Variants in DTNA observed in about 807,000 individuals in gnomAD.
The protein encoded by DTNA is dystrobrevin alpha.
DTNA carries 43 observed loss-of-function variants against 100.7 expected under a neutral mutation model. The ratio of observed to expected loss-of-function variants is 0.43; its 90% CI spans 0.33 to 0.55. The LOEUF is 0.55. DTNA is among the 20% of genes least tolerant of loss of function. DTNA has a pLI of 0.04. For missense variants in DTNA, 798 were observed against 953.9 expected (o/e 0.84, Z 2.15); for synonymous variants, 349 against 347.9 (o/e 1.00, Z -0.04).
chr18:34,830,138 G>A (rs546025326), intron 11 of DTNA, among the ~76,000 whole-genome samples: 2 of 152,176 alleles, frequency 1.3e-5, no homozygotes, highest in African/African-American at 2.4e-5. Context: ...AAAAGTTAAA[G>A]GTTCTATACT....
Position 34,573,302 on chromosome 18 carries a change from AT to A in DTNA, c.-2+79790del, listed in dbSNP as rs575280744. On this transcript the variant is annotated intron_variant, in intron 1 of 19. Transcript: ENST00000283365. ...CACAACTTTAGGGCCCTAAATAAAT[AT>A]TAGGAACAAAAATGCCTCTCAAAAC... Among the ~76,000 whole-genome samples the A allele has an allele frequency of 1.8e-3, 273 of 152,332 alleles. 2 individuals carry two copies. The highest frequency in any genetic ancestry group is 6.0e-3 in the African/African-American group (250 of 41,568).
At chr18:34,511,575 A>T (rs2041098405) in intron 1 of DTNA, among the ~76,000 whole-genome samples, 1 of 152,032 alleles carries the variant, frequency 6.6e-6, no homozygotes, top group African/African-American at 2.4e-5. Flanking sequence ...GAAGAAAGAA[A>T]TGTGCAAACT....
Position 34,686,870 on chromosome 18 carries a change from G to A in DTNA, c.-1-69106G>A, listed in dbSNP as rs530692377. On this transcript the variant is annotated intron_variant, in intron 1 of 19. Transcript: ENST00000283365. ...GGATTCAACTTCTTGGTTTAGTCTC[G>A]GGAGGGTGTATGTGTCCAAGAATTT... Among the ~76,000 whole-genome samples, 8 of 152,154 alleles carry A rather than the reference G, an allele frequency of 5.3e-5. No homozygotes were observed. The South Asian group carries it at 6.2e-4, about 12-fold the overall frequency.
chr18:34,806,453 T>C (rs1480001654), intron 5 of DTNA, 149 bp downstream of exon 5: 2 of 732,040 alleles, frequency 2.7e-6, no homozygotes, highest in Non-Finnish European at 4.8e-6. Flanking sequence ...GATGTTTGGA[T>C]TTTGTCATAG....
rs867913812 is a variant in DTNA at position 34,744,848 on chromosome 18, G to A, written c.-1-11128G>A. On this transcript the variant is annotated intron_variant, in intron 1 of 22. Transcript: ENST00000444659. The stretch of plus-strand genomic sequence containing the variant: ...AACCAGTACCCTCGGGAAAAACAGG[G>A]CAGTTCCTTTGAGTCTTTTTTCATA... Among the ~76,000 whole-genome samples, 24 of 152,232 alleles carry A rather than the reference G, an allele frequency of 1.6e-4. 1 individual carries two copies. The highest frequency in any genetic ancestry group is 5.8e-4 in the African/African-American group (24 of 41,552).
chr18:34,688,567 C>T (rs1203882420), intron 1 of DTNA, among the ~76,000 whole-genome samples: 1 of 152,064 alleles, frequency 6.6e-6, no homozygotes, highest in Non-Finnish European at 1.5e-5. Context: ...CTCTGGCTGC[C>T]CTTAACATTT....
intron 2 of DTNA, among the ~76,000 whole-genome samples, chr18:34,762,382 G>A (rs72955132): frequency 0.074 from 11,222 of 152,192 alleles, 474 homozygotes; most frequent in African/African-American, 0.087. Context: ...ACAACTAATG[G>A]GTCTATCAAC....
At chr18:34,855,465 C>T (rs1430150709) in intron 15 of DTNA, among the ~76,000 whole-genome samples, 1 of 152,190 alleles carries the variant, frequency 6.6e-6, no homozygotes, top group Non-Finnish European at 1.5e-5. Context: ...CAAAATAGTG[C>T]TGAAATGTTA....
chr18:34,600,859 A>G (rs982637018), intron 1 of DTNA, among the ~76,000 whole-genome samples: 3 of 152,250 alleles, frequency 2.0e-5, no homozygotes, highest in Non-Finnish European at 4.4e-5. Context: ...TATACAATTT[A>G]GCCACCACAG....
At chr18:34,683,663 C>T (rs747844919) in intron 1 of DTNA, 1 of 152,132 alleles carries the variant, frequency 6.6e-6, no homozygotes, top group Non-Finnish European at 1.5e-5. Flanking sequence ...ATTTCTAAAA[C>T]TCCTTCATCA....
chr18:34,631,978 C>G (rs1205684527), intron 1 of DTNA, among the ~76,000 whole-genome samples: 1 of 152,122 alleles, frequency 6.6e-6, no homozygotes, highest in African/African-American at 2.4e-5. Context: ...CTACTTTGCA[C>G]CATTCTCATG....
intron 1 of DTNA, among the ~76,000 whole-genome samples, chr18:34,515,648 TAAGA>T (rs1363816677): frequency 6.6e-6 from 1 of 152,144 alleles, no homozygotes; most frequent in Non-Finnish European, 1.5e-5. Flanking sequence ...CCAGTTTTGC[TAAGA>T]AAGTGTTCTT....
rs151163537 is a variant in DTNA, at chr18:34,830,753, T to C, written c.1175+1264T>C. Among the ~76,000 whole-genome samples, 7 of 152,358 alleles carry C rather than the reference T, an allele frequency of 4.6e-5. No homozygotes were observed. In the East Asian group the frequency reaches 1.3e-3, roughly 29 times the overall value. Reference sequence around the variant, plus strand: ...CAGAAGTTAGGTAGAATGTGGGTCATATAACATAATTGATGGACCGATTCA... The same window carrying C: ...CAGAAGTTAGGTAGAATGTGGGTCACATAACATAATTGATGGACCGATTCA... On this transcript the variant is annotated intron_variant, in intron 11 of 22. Coordinates refer to ENST00000444659, the MANE Select transcript of DTNA (RefSeq NM_001386795.1).
chr18:34,527,599 A>G (rs1015122201), intron 1 of DTNA, among the ~76,000 whole-genome samples: 4 of 152,242 alleles, frequency 2.6e-5, no homozygotes, highest in South Asian at 4.1e-4. Flanking sequence ...AGACATTGTT[A>G]CTTGTTTAAT....
intron 1 of DTNA, among the ~76,000 whole-genome samples, chr18:34,617,353 A>G (rs1173590716): frequency 6.6e-6 from 1 of 152,208 alleles, no homozygotes; most frequent in Non-Finnish European, 1.5e-5. Flanking sequence ...ATTTTTATCA[A>G]AAGCCTTTTC....
Position 34,657,313 on chromosome 18 carries a change from T to C in DTNA, c.-1-98663T>C, listed in dbSNP as rs757888221. Among the ~76,000 whole-genome samples the C allele has an allele frequency of 8.1e-4, 124 of 152,216 alleles. 1 individual carries two copies. The highest frequency in any genetic ancestry group is 1.3e-3 in the Non-Finnish European group (87 of 68,032). On this transcript the variant is annotated intron_variant, in intron 1 of 19. Coordinates refer to the DTNA transcript ENST00000283365. ...TGCTTTAACTTTTCTTGCTTTTGTGTATTTCCCAAATATGGTACTTTTTTG... is the reference window on the plus strand; with the variant it reads ...TGCTTTAACTTTTCTTGCTTTTGTGCATTTCCCAAATATGGTACTTTTTTG...
chr18:34,598,941 T>C (rs1247861623), intron 1 of DTNA, among the ~76,000 whole-genome samples: 3 of 152,212 alleles, frequency 2.0e-5, no homozygotes, highest in Non-Finnish European at 4.4e-5. Context: ...AAAGAAAAAC[T>C]GTATTTGTTT....
intron 1 of DTNA, among the ~76,000 whole-genome samples, chr18:34,600,965 C>G (rs996170718): frequency 6.6e-6 from 1 of 152,218 alleles, no homozygotes; most frequent in Non-Finnish European, 1.5e-5. Flanking sequence ...TGCCATGTGG[C>G]CACACCTAAC....
At chr18:34,536,348 C>T (rs746440346) in intron 1 of DTNA, among the ~76,000 whole-genome samples, 3 of 151,826 alleles carry the variant, frequency 2.0e-5, no homozygotes, top group Non-Finnish European at 4.4e-5. Flanking sequence ...ATACTATGAG[C>T]CTTTCTGCGA....
Sources: allele counts gnomAD v4.1 joint callset (sites outside exome capture counted in the v4.1 genomes callset), GRCh38; gene constraint gnomAD v4.1.1; transcripts MANE v1.5; gene names NCBI Gene and HGNC (gene_info 2026-07-23, HGNC 2026-07-21).